AGK: variants seen among roughly 807,000 people sequenced by gnomAD.
The protein encoded by AGK is acylglycerol kinase, mitochondrial.
In AGK, 52 loss-of-function variants were observed where a neutral mutation model predicts 66.4. The observed-to-expected ratio is 0.78, with a 90% confidence interval of 0.63 to 0.99. The LOEUF is 0.99. Among genes scored for constraint, AGK ranks in the 50% least tolerant of loss-of-function variants. The probability of loss-of-function intolerance (pLI) is 0.00; values close to 1 mark genes in which losing one functional copy is unlikely to be tolerated. For missense variants in AGK, 451 were observed against 506.6 expected, an observed-to-expected ratio of 0.89 and a Z score of 1.05; for synonymous variants, 182 against 181.1, an observed-to-expected ratio of 1.00 and a Z score of -0.04.
chr7:141,583,810 C>G (rs115367381), intron 2 of AGK, among the ~76,000 whole-genome samples: 1 of 151,662 alleles, frequency 6.6e-6, no homozygotes, highest in Non-Finnish European at 1.5e-5. Flanking sequence ...AAGGTAGAGA[C>G]GGAAAGATGG....
In AGK at chr7:141,604,379, T is replaced by C. The variant is rs1173841508; in HGVS notation, c.297+3099T>C. 2.3e-5 allele frequency among the ~76,000 whole-genome samples: 3 copies of C among 129,896 alleles called. 1 individual carries two copies. In the South Asian group the frequency reaches 9.0e-4, roughly 39 times the overall value. 85.2% of individuals were successfully genotyped at this position (129,896 alleles called of 152,430 possible). A position where few individuals can be genotyped will look rare whatever the true frequency, so the allele number is the denominator to read the frequency against. On this transcript the variant is annotated intron_variant, in intron 5 of 15. Transcript: ENST00000649286. ...GTATGAATGTGTGTGTGTGTGTATA[T>C]ATATATATATATATATATATATATA...
At chr7:141,619,629 T>C (rs559744650) in intron 8 of AGK, among the ~76,000 whole-genome samples, 23 of 150,434 alleles carry the variant, frequency 1.5e-4, no homozygotes, top group Non-Finnish European at 2.5e-4. Flanking sequence ...AAATTAAATC[T>C]ACCATGAGAT....
intron 9 of AGK, among the ~76,000 whole-genome samples, chr7:141,625,187 T>C (rs1168168632): frequency 6.6e-6 from 1 of 152,194 alleles, no homozygotes; most frequent in Non-Finnish European, 1.5e-5. Flanking sequence ...ATATAACTTT[T>C]ATATGCACTG....
At chr7:141,638,391 T>TTAGG (rs1283733718) in intron 11 of AGK, among the ~76,000 whole-genome samples, 1 of 152,000 alleles carries the variant, frequency 6.6e-6, no homozygotes, top group Non-Finnish European at 1.5e-5. Flanking sequence ...AGCCAGTGGG[T>TTAGG]TAGGTAAGGG....
At chr7:141,623,314 G>A (rs1796863880) in intron 9 of AGK, among the ~76,000 whole-genome samples, 2 of 151,444 alleles carry the variant, frequency 1.3e-5, no homozygotes, top group African/African-American at 4.9e-5. Context: ...GGGAGGCAGA[G>A]GTTGCGGTGA....
chr7:141,556,027 G>A (rs908483155), intron 2 of AGK, among the ~76,000 whole-genome samples: 12 of 152,176 alleles, frequency 7.9e-5, no homozygotes, highest in African/African-American at 2.9e-4. Flanking sequence ...ACATTTTAGG[G>A]AGATATGACA....
chr7:141,585,475 G>A (rs1795977174), intron 2 of AGK, among the ~76,000 whole-genome samples: 1 of 152,208 alleles, frequency 6.6e-6, no homozygotes. Flanking sequence ...ATAAGTTGAA[G>A]TGGTTGTTAT....
At chr7:141,597,834 T>C (rs1157127936) in intron 4 of AGK, among the ~76,000 whole-genome samples, 1 of 136,508 alleles carries the variant, frequency 7.3e-6, no homozygotes, top group Non-Finnish European at 1.5e-5. Context: ...GAGGCTGTAG[T>C]GAGCCATGAT....
chr7:141,553,313 T>A (rs968299598), intron 1 of AGK, among the ~76,000 whole-genome samples: 2 of 152,176 alleles, frequency 1.3e-5, no homozygotes, highest in African/African-American at 4.8e-5. Context: ...CACATCACCA[T>A]TTTTGGGGAA....
At chr7:141,634,848 CAG>C (rs1190780387) in intron 10 of AGK, among the ~76,000 whole-genome samples, 2 of 144,366 alleles carry the variant, frequency 1.4e-5, no homozygotes, top group Middle Eastern at 3.3e-3. Flanking sequence ...TTTTTTTTAA[CAG>C]AAATTTCTCT....
intron 13 of AGK, among the ~76,000 whole-genome samples, chr7:141,644,018 G>C (rs1797348583): frequency 6.6e-6 from 1 of 151,630 alleles, no homozygotes. Context: ...ATAACCTGAT[G>C]AATATATAAT....
intron 9 of AGK, among the ~76,000 whole-genome samples, chr7:141,625,765 G>C (rs1295576702): frequency 6.6e-6 from 1 of 152,148 alleles, no homozygotes; most frequent in Non-Finnish European, 1.5e-5. Flanking sequence ...CACTCTATTA[G>C]AGTAGCTTTT....
rs1231268240 is a variant in AGK, at chr7:141,622,177, G to T, written c.588+376G>T. The stretch of plus-strand genomic sequence containing the variant: ...ACAATCTCAGCTCACTGCAGCCTCT[G>T]CCTCCTGGGTTTAAGCAATTCTCCT... On this transcript the variant is annotated intron_variant, in intron 9 of 15. Coordinates refer to ENST00000649286, the MANE Select transcript of AGK (RefSeq NM_018238.4). Among the ~76,000 whole-genome samples the T allele has an allele frequency of 3.3e-5, 5 of 151,152 alleles. No individual in the cohort carries two copies. The East Asian group carries it at 9.7e-4, about 29-fold the overall frequency.
intron 5 of AGK, among the ~76,000 whole-genome samples, chr7:141,602,209 G>A (rs917128479): frequency 6.6e-6 from 1 of 151,278 alleles, no homozygotes; most frequent in Non-Finnish European, 1.5e-5. Flanking sequence ...GTGTGTGTGT[G>A]TGTATGTAGA....
chr7:141,652,777 T>C lies in AGK; in HGVS notation c.1132-10T>C. ...TGTTTGAGCTGTTCTGAATATTCTC[T>C]TCTCCCCAGGGAGCAGGGGGCTCTT... On this transcript the variant is annotated splice_polypyrimidine_tract_variant and intron_variant, in intron 15 of 15. Transcript: ENST00000649286. 1 of 1,612,556 alleles carries C rather than the reference T, an allele frequency of 6.2e-7. No individual in the cohort carries two copies. The highest frequency in any genetic ancestry group is 1.3e-5 in the African/African-American group (1 of 74,986).
rs144977618 is a variant in AGK, at chr7:141,633,966, C to A, written c.654C>A (p.Gly218=). The stretch of plus-strand genomic sequence containing the variant: ...GATGGGGATCTTTCAGAGATGCTGG[C>A]GTCAAAGTTAGCAAGTAAAGGATTA... The part of the protein sequence containing the change: ...GLRWGSFRDA[G]VKVSKYWYLG... Residue 218 remains glycine, a synonymous_variant, in exon 10 of 16, where the codon GGC becomes GGA. Coordinates refer to ENST00000649286, the MANE Select transcript of AGK (RefSeq NM_018238.4). 33 of 1,613,450 alleles carry A rather than the reference C, an allele frequency of 2.0e-5. 1 individual carries two copies. In the South Asian group the frequency reaches 2.6e-4, roughly 13 times the overall value.
At chr7:141,611,720 T>C (rs573322720) in intron 6 of AGK, among the ~76,000 whole-genome samples, 1 of 152,208 alleles carries the variant, frequency 6.6e-6, no homozygotes, top group African/African-American at 2.4e-5. Context: ...TATACTACAT[T>C]AATAGGAAGA....
At chr7:141,565,244 C>T (rs184023561) in intron 2 of AGK, among the ~76,000 whole-genome samples, 114 of 152,280 alleles carry the variant, frequency 7.5e-4, no homozygotes, top group African/African-American at 2.7e-3. Flanking sequence ...AGCTACTTGT[C>T]TATTTGGATG....
intron 6 of AGK, among the ~76,000 whole-genome samples, chr7:141,612,001 G>T (rs1276626428): frequency 6.6e-6 from 1 of 152,200 alleles, no homozygotes; most frequent in Non-Finnish European, 1.5e-5. Flanking sequence ...TACCAAAGGA[G>T]TTGAAACCCT....
Sources: gnomAD v4.1 joint callset for allele counts (sites outside exome capture counted in the v4.1 genomes callset) on GRCh38, gnomAD v4.1.1 for gene constraint, MANE v1.5 for transcripts, NCBI Gene and HGNC (gene_info 2026-07-23, HGNC 2026-07-21) for gene names.